FAM193A: variants seen among roughly 807,000 people sequenced by gnomAD.
FAM193A encodes protein FAM193A.
FAM193A carries 22 observed loss-of-function variants against 126.5 expected under a neutral mutation model. The observed-to-expected ratio is 0.17, with a 90% CI of 0.12 to 0.25. The LOEUF is 0.25. Among genes scored for constraint, FAM193A ranks in the 10% least tolerant of loss-of-function variants. The pLI, the probability that FAM193A is intolerant of heterozygous loss-of-function variation, is 1.00. For missense variants in FAM193A, 1,675 were observed against 1,672.8 expected (o/e 1.00, Z -0.02); for synonymous variants, 761 against 646.8 (o/e 1.18, Z -2.68).
At chr4:2,721,044 T>C (rs1319780823) in intron 20 of FAM193A, among the ~76,000 whole-genome samples, 1 of 152,068 alleles carries the variant, frequency 6.6e-6, no homozygotes, top group African/African-American at 2.4e-5. Context: ...CCGGGCGCGG[T>C]GGTTCATGCC....
chr4:2,729,030 C>T (rs1198581442), intron 20 of FAM193A, among the ~76,000 whole-genome samples: 1 of 149,540 alleles, frequency 6.7e-6, no homozygotes, highest in East Asian at 2.0e-4. Flanking sequence ...CAGGGGAGGG[C>T]CTCCTCCATC....
chr4:2,617,616 A>G (rs1742290281), intron 2 of FAM193A, among the ~76,000 whole-genome samples: 1 of 151,692 alleles, frequency 6.6e-6, no homozygotes, highest in Non-Finnish European at 1.5e-5. Context: ...TACTACCTGT[A>G]TTTCTTTTTC....
At chr4:2,572,777 A>ATT (rs533532132) in intron 1 of FAM193A, among the ~76,000 whole-genome samples, 1,749 of 135,904 alleles carry the variant, frequency 0.013, 20 homozygotes, top group Non-Finnish European at 0.02. Context: ...CAGAGGAGGA[A>ATT]TTTTTTTTTT....
chr4:2,581,142 A>C (rs907794858), intron 1 of FAM193A, among the ~76,000 whole-genome samples: 6 of 146,830 alleles, frequency 4.1e-5, no homozygotes, highest in African/African-American at 1.5e-4. Context: ...AAACAACAAC[A>C]AAAAAAAAAC....
intron 7 of FAM193A, chr4:2,655,022 T>C (rs1459013987): frequency 1.5e-6 from 1 of 662,450 alleles, no homozygotes; most frequent in Non-Finnish European, 2.8e-6. Context: ...ATCTCATCTT[T>C]TCCAGCATTT....
chr4:2,688,095 T>C (rs114973837), intron 13 of FAM193A, among the ~76,000 whole-genome samples: 430 of 152,180 alleles, frequency 2.8e-3, no homozygotes, highest in Non-Finnish European at 5.0e-3. Context: ...TGGGCACTTC[T>C]CCTCTCCAGC....
intron 1 of FAM193A, among the ~76,000 whole-genome samples, chr4:2,547,294 G>C (rs1221387655): frequency 6.6e-6 from 1 of 152,152 alleles, no homozygotes; most frequent in Admixed American, 6.6e-5. Context: ...AGGTTGAGTT[G>C]AGGCAAGAGA....
At chr4:2,664,529 G>A (rs560932103) in intron 12 of FAM193A, among the ~76,000 whole-genome samples, 2 of 144,656 alleles carry the variant, frequency 1.4e-5, no homozygotes, top group East Asian at 4.0e-4. Context: ...CTCCAGCTTG[G>A]TACACCTTTC....
intron 12 of FAM193A, among the ~76,000 whole-genome samples, chr4:2,666,298 C>T (rs563650036): frequency 1.3e-5 from 2 of 151,948 alleles, no homozygotes; most frequent in African/African-American, 4.8e-5. Context: ...ATTTTGTTAC[C>T]GTGGTGTGTC....
rs761690751 is a variant in FAM193A at position 2,690,879 on chromosome 4, A to G, written c.2712A>G (p.Ser904=). Residue 904 remains serine, a synonymous_variant, in exon 15 of 21, where the codon TCA becomes TCG. Transcript: ENST00000637812. The stretch of plus-strand genomic sequence containing the variant: ...CAAATAAAGTTGTCATGGCCACGTC[A>G]TCAGCCACGTCCTCTGTGTCCTGCA... The part of the protein sequence containing the change: ...MEANKVVMAT[S]SATSSVSCTA... The G allele has an allele frequency of 1.1e-5, 17 of 1,614,198 alleles. No individual in the cohort carries two copies. The highest frequency in any genetic ancestry group is 1.4e-5 in the Non-Finnish European group (16 of 1,180,000).
chr4:2,664,566 T>TC (rs1387128944), intron 12 of FAM193A, among the ~76,000 whole-genome samples: 3 of 128,992 alleles, frequency 2.3e-5, no homozygotes, highest in Admixed American at 7.6e-5. Flanking sequence ...TTCTTTTTTT[T>TC]TTTTTTTTTT....
Position 2,732,068 on chromosome 4 carries a change from C to T in FAM193A, c.*200C>T, listed in dbSNP as rs1201693628. The T allele has an allele frequency of 1.0e-5, 6 of 590,746 alleles. No homozygotes were observed. The highest frequency in any genetic ancestry group is 1.5e-5 in the Non-Finnish European group (5 of 328,928). The allele number at this position is 590,746 out of a possible 1,614,324, so 36.6% of individuals were successfully genotyped here. A position where few individuals can be genotyped will look rare whatever the true frequency, so the allele number is the denominator to read the frequency against. ...GTGCGTGTAGTCTGTGCGTGAGACT[C>T]CTTCGATTGTAGCTCTGTGCTGTCG... On this transcript the variant is annotated 3_prime_UTR_variant, in exon 21 of 21. Coordinates refer to ENST00000637812, the MANE Select transcript of FAM193A (RefSeq NM_001366318.2).
chr4:2,628,713 G>A (rs1013011716), intron 4 of FAM193A, among the ~76,000 whole-genome samples: 1 of 152,210 alleles, frequency 6.6e-6, no homozygotes, highest in African/African-American at 2.4e-5. Flanking sequence ...TCAAACCCAT[G>A]ACTTCACAGC....
chr4:2,570,995 G>A (rs150861832), intron 1 of FAM193A, among the ~76,000 whole-genome samples: 119 of 152,206 alleles, frequency 7.8e-4, no homozygotes, highest in African/African-American at 2.8e-3. Flanking sequence ...TTTCGCTTAC[G>A]GAGTGGGTGG....
In FAM193A at chr4:2,585,535, A is replaced by G. The variant is rs985007004; in HGVS notation, c.256-10549A>G. 2.0e-5 allele frequency among the ~76,000 whole-genome samples: 3 copies of G among 151,314 alleles called. 1 individual carries two copies. The highest frequency in any genetic ancestry group is 4.2e-4 in the South Asian group (2 of 4,760). ...AGAACCCGTTCAAGTCTTTTGCCCA[A>G]TTTTTTCAGTCAAGTTGTATATCTT... On this transcript the variant is annotated intron_variant, in intron 1 of 20. Transcript: ENST00000637812.
At chr4:2,540,459 C>T (rs1287977692) in intron 1 of FAM193A, among the ~76,000 whole-genome samples, 1 of 151,230 alleles carries the variant, frequency 6.6e-6, no homozygotes, top group Non-Finnish European at 1.5e-5. Context: ...CAGAGCGAGA[C>T]TCCGTCTCAA....
chr4:2,610,707 T>TA (rs1359171950), intron 2 of FAM193A, among the ~76,000 whole-genome samples: 6 of 152,200 alleles, frequency 3.9e-5, no homozygotes, highest in Non-Finnish European at 8.8e-5. Flanking sequence ...TTTGGGCTGT[T>TA]ATGAGTAGAG....
At chr4:2,694,820 C>A in intron 16 of FAM193A, 126 bp from the exon 17 acceptor site, 1 of 754,196 alleles carries the variant, frequency 1.3e-6, no homozygotes, top group Non-Finnish European at 2.1e-6. Context: ...AACCCTGGGA[C>A]TATGCACCCT....
chr4:2,579,434 A>C (rs952807993), intron 1 of FAM193A, among the ~76,000 whole-genome samples: 1 of 152,170 alleles, frequency 6.6e-6, no homozygotes, highest in East Asian at 1.9e-4. Context: ...GTGGTGGCTC[A>C]CACCTGTAAT....
Sources: allele counts gnomAD v4.1 joint callset (sites outside exome capture counted in the v4.1 genomes callset), GRCh38; gene constraint gnomAD v4.1.1; transcripts MANE v1.5; gene names NCBI Gene and HGNC (gene_info 2026-07-23, HGNC 2026-07-21).